The following HEPACAM2 variants were observed in gnomAD, a reference collection of about 807,000 sequenced individuals.
HEPACAM2 encodes mitotic kinetics regulator.
In HEPACAM2, 49 loss-of-function variants were observed where a neutral mutation model predicts 49.6. The observed-to-expected ratio is 0.99, with a 90% CI of 0.78 to 1.25. HEPACAM2 has a LOEUF of 1.25. HEPACAM2 is among the 50% of genes most tolerant of loss of function. The pLI is 0.00. For missense variants in HEPACAM2, 525 were observed against 557.2 expected, an observed-to-expected ratio of 0.94 and a Z score of 0.58; for synonymous variants, 197 against 202.9, an observed-to-expected ratio of 0.97 and a Z score of 0.25.
chr7:93,205,603 C>T (rs1343865173), intron 4 of HEPACAM2: 3 of 152,150 alleles, frequency 2.0e-5, no homozygotes, highest in Non-Finnish European at 4.4e-5. Context: ...AAATTCTCCA[C>T]AGATCTCAAG....
chr7:93,213,454 T>C (rs191593573), intron 3 of HEPACAM2, among the ~76,000 whole-genome samples: 54 of 152,130 alleles, frequency 3.5e-4, no homozygotes, highest in Non-Finnish European at 5.4e-4. Flanking sequence ...ACAGAATACT[T>C]GATTTTGCTA....
upstream of HEPACAM2, among the ~76,000 whole-genome samples, chr7:93,227,390 A>G (rs1794559979): frequency 6.6e-6 from 1 of 152,184 alleles, no homozygotes; most frequent in Non-Finnish European, 1.5e-5. Flanking sequence ...TCAAATCATC[A>G]AATCAAGGAA....
intron 1 of HEPACAM2, among the ~76,000 whole-genome samples, chr7:93,222,777 C>A (rs1396298638): frequency 6.6e-6 from 1 of 152,042 alleles, no homozygotes; most frequent in South Asian, 2.1e-4. Flanking sequence ...TTATTGACAA[C>A]CTGAGGTGCT....
chr7:93,209,030 A>G (rs1794109250), intron 3 of HEPACAM2, among the ~76,000 whole-genome samples, 154 bp from the exon 4 acceptor site: 1 of 152,074 alleles, frequency 6.6e-6, no homozygotes, highest in Non-Finnish European at 1.5e-5. Flanking sequence ...ATAAATGATG[A>G]GGACCTAAAT....
chr7:93,230,900 G>A (rs1404590362), upstream of HEPACAM2, among the ~76,000 whole-genome samples: 1 of 152,202 alleles, frequency 6.6e-6, no homozygotes, highest in Non-Finnish European at 1.5e-5. Context: ...TTGGAGTAGA[G>A]AACTGGGCAG....
At position 93,219,703 on chromosome 7, in the gene HEPACAM2, C is replaced by T. The variant is rs529480032; in HGVS notation, c.80-252G>A. On this transcript the variant is annotated intron_variant, in intron 1 of 9. Coordinates refer to ENST00000394468, the MANE Select transcript of HEPACAM2 (RefSeq NM_001039372.4). ...AAGGAAAAGCAGAAGTTATTTTCTA[C>T]GATTGCTACGGAATAATGGGAAAAG... 9.9e-4 allele frequency: 517 copies of T among 523,614 alleles called. 1 individual carries two copies. The highest frequency in any genetic ancestry group is 1.3e-3 in the Non-Finnish European group (392 of 308,166). 32.4% of individuals were successfully genotyped at this position (523,614 alleles called of 1,614,324 possible).
chr7:93,198,585 A>G (rs1793794962), intron 4 of HEPACAM2, among the ~76,000 whole-genome samples: 1 of 152,148 alleles, frequency 6.6e-6, no homozygotes, highest in African/African-American at 2.4e-5. Context: ...TTAACCTCCA[A>G]CAAATGAAAG....
intron 4 of HEPACAM2, among the ~76,000 whole-genome samples, chr7:93,207,419 A>AAG: frequency 6.6e-6 from 1 of 151,970 alleles, no homozygotes; most frequent in Non-Finnish European, 1.5e-5. Context: ...AGAAGTAGTC[A>AAG]TAGAAGAGGA....
chr7:93,218,969 T>C, intron 2 of HEPACAM2, 132 bp downstream of exon 2: 1 of 679,560 alleles, frequency 1.5e-6, no homozygotes, highest in South Asian at 1.9e-5. Flanking sequence ...CATGAGATAT[T>C]GAGGCTTTGA....
At chr7:93,210,474 A>C (rs945328917) in intron 3 of HEPACAM2, among the ~76,000 whole-genome samples, 1 of 152,002 alleles carries the variant, frequency 6.6e-6, no homozygotes, top group African/African-American at 2.4e-5. Flanking sequence ...ATAACTTTCT[A>C]TATCATAATA....
At chr7:93,230,428 A>T (rs1794601855), upstream of HEPACAM2, among the ~76,000 whole-genome samples, 1 of 152,222 alleles carries the variant, frequency 6.6e-6, no homozygotes, top group African/African-American at 2.4e-5. Context: ...AAACAACAAT[A>T]ATAACAGCAC....
At chr7:93,213,290 T>C (rs1794222897) in intron 3 of HEPACAM2, among the ~76,000 whole-genome samples, 1 of 152,010 alleles carries the variant, frequency 6.6e-6, no homozygotes. Context: ...TGGCTTGACA[T>C]TGTATTCCAC....
At chr7:93,197,849 CTG>C (rs1793775160) in intron 4 of HEPACAM2, among the ~76,000 whole-genome samples, 1 of 152,106 alleles carries the variant, frequency 6.6e-6, no homozygotes, top group Non-Finnish European at 1.5e-5. Flanking sequence ...TTAAAACTGA[CTG>C]TGTTGTACTA....
At chr7:93,232,150 C>T in the HEPACAM2 span, among the ~76,000 whole-genome samples, 1 of 152,188 alleles carries the variant, frequency 6.6e-6, no homozygotes, top group Non-Finnish European at 1.5e-5. Context: ...GTAGCTACTG[C>T]CTAGTGCAAG....
intron 4 of HEPACAM2, among the ~76,000 whole-genome samples, chr7:93,202,033 A>AAAAAAAAAAAAAAAAAAAAC (rs1562824501): frequency 2.7e-4 from 4 of 14,622 alleles, no homozygotes; most frequent in African/African-American, 6.1e-4. Flanking sequence ...AAAAAAAACC[A>AAAAAAAAAAAAAAAAAAAAC]AAAAAAAAAA....
intron 4 of HEPACAM2, among the ~76,000 whole-genome samples, chr7:93,202,034 A>AAAAAAAAAAC (rs1793904282): frequency 6.1e-4 from 2 of 3,290 alleles, no homozygotes; most frequent in Admixed American, 4.2e-3. Context: ...AAAAAAACCA[A>AAAAAAAAAAC]AAAAAAAAAA....
chr7:93,197,511 A>G lies in HEPACAM2; in HGVS notation c.1112T>C (p.Leu371Pro), dbSNP rs1224126688. Residue 371 changes from leucine to proline, a missense_variant, in exon 5 of 10, where the codon CTA becomes CCA. Transcript: ENST00000394468. Reference protein sequence around the residue: ...FLIISMCLLFLWKKYQPYKVI... With the variant: ...FLIISMCLLFPWKKYQPYKVI... ...TTTGTAGGGTTGATATTTTTTCCAT[A>G]GGAAGAGAAGACACATGGATATAAT... 2.5e-6 allele frequency: 4 copies of G among 1,593,720 alleles called. No homozygotes were observed. Among genetic ancestry groups the G allele is most frequent in the Non-Finnish European group, 2.6e-6 (3 of 1,167,062 alleles).
At chr7:93,197,011 A>G (rs1379051404) in intron 7 of HEPACAM2, among the ~76,000 whole-genome samples, 2 of 43,880 alleles carry the variant, frequency 4.6e-5, no homozygotes, top group Non-Finnish European at 8.5e-5. Flanking sequence ...TGACTGTAAA[A>G]TGGAGTTAAG....
At chr7:93,225,452 T>C (rs1258859664) in intron 1 of HEPACAM2, among the ~76,000 whole-genome samples, 1 of 152,102 alleles carries the variant, frequency 6.6e-6, no homozygotes, top group East Asian at 1.9e-4. Flanking sequence ...ACATTTACAA[T>C]GCAAACTTTA....
Sources: gnomAD v4.1 joint callset for allele counts (sites outside exome capture counted in the v4.1 genomes callset) on GRCh38, gnomAD v4.1.1 for gene constraint, MANE v1.5 for transcripts, NCBI Gene and HGNC (gene_info 2026-07-23, HGNC 2026-07-21) for gene names.